Variants in MDGA2 observed in about 807,000 individuals in gnomAD.
MDGA2 encodes the protein MAM domain-containing glycosylphosphatidylinositol anchor protein 2.
A neutral mutation model predicts 117.8 loss-of-function variants in MDGA2; 40 were observed. The ratio of observed to expected loss-of-function variants is 0.34; its 90% CI spans 0.26 to 0.44. MDGA2 has a LOEUF of 0.44. MDGA2 is among the 20% of genes least tolerant of loss of function. The pLI, the probability that MDGA2 is intolerant of heterozygous loss-of-function variation, is 1.00. For synonymous variants in MDGA2, 452 were observed against 439.0 expected (o/e 1.03, Z -0.37); for missense variants, 1,123 against 1,250.6 (o/e 0.90, Z 1.54).
rs1198575912 is a variant in MDGA2, at chr14:47,523,904, C to T, written c.280+150613G>A. On this transcript the variant is annotated intron_variant, in intron 1 of 16. Transcript: ENST00000399232. Reference sequence around the variant, plus strand: ...AAAGGTGTATCAAATGGGAACACAGCGTCACAGTTGAAACATTTATTTTCC... The same window carrying T: ...AAAGGTGTATCAAATGGGAACACAGTGTCACAGTTGAAACATTTATTTTCC... Among the ~76,000 whole-genome samples, 6 of 152,166 alleles carry T rather than the reference C, an allele frequency of 3.9e-5. No individual in the cohort carries two copies. The South Asian group carries it at 8.3e-4, about 21-fold the overall frequency.
chr14:47,630,197 A>G (rs1381119674), intron 1 of MDGA2, among the ~76,000 whole-genome samples: 3 of 152,214 alleles, frequency 2.0e-5, no homozygotes, highest in Non-Finnish European at 4.4e-5. Flanking sequence ...TTATAAAATG[A>G]ACACATAGAC....
At chr14:47,560,844 T>C (rs938701892) in intron 1 of MDGA2, among the ~76,000 whole-genome samples, 2 of 152,216 alleles carry the variant, frequency 1.3e-5, no homozygotes, top group Admixed American at 6.5e-5. Flanking sequence ...TTTAAGTTGT[T>C]AGTACATCTT....
chr14:47,106,027 G>A (rs1409085108), intron 5 of MDGA2, among the ~76,000 whole-genome samples: 1 of 151,870 alleles, frequency 6.6e-6, no homozygotes, highest in Non-Finnish European at 1.5e-5. Context: ...AAGGTGGCTG[G>A]AGCTAAAGGA....
Position 47,523,488 on chromosome 14 carries a change from T to G in MDGA2, c.280+151029A>C, listed in dbSNP as rs540392045. Among the ~76,000 whole-genome samples the G allele has an allele frequency of 5.3e-5, 8 of 152,272 alleles. No homozygotes were observed. In the South Asian group the frequency reaches 1.7e-3, roughly 32 times the overall value. On this transcript the variant is annotated intron_variant, in intron 1 of 16. Coordinates refer to ENST00000399232, the MANE Select transcript of MDGA2 (RefSeq NM_001113498.3). ...CAAAATCTATCTGAAGTGGAAAAAG[T>G]GATGACAAAGAGACTGGAATTCAGA...
At chr14:47,579,910 G>A (rs1187287390) in intron 1 of MDGA2, among the ~76,000 whole-genome samples, 1 of 151,964 alleles carries the variant, frequency 6.6e-6, no homozygotes, top group Non-Finnish European at 1.5e-5. Context: ...CCCATTATTA[G>A]TATTATTACA....
chr14:46,904,566 G>A (rs775771740), intron 10 of MDGA2, among the ~76,000 whole-genome samples: 36 of 152,182 alleles, frequency 2.4e-4, no homozygotes, highest in African/African-American at 5.3e-4. Flanking sequence ...CAATCCAGCC[G>A]TGAGCAACCT....
intron 8 of MDGA2, among the ~76,000 whole-genome samples, chr14:47,000,992 C>T (rs183569330): frequency 8.5e-5 from 13 of 152,062 alleles, no homozygotes; most frequent in African/African-American, 3.1e-4. Flanking sequence ...AATACTACAT[C>T]ATCAGCCCAA....
At chr14:47,454,002 C>T (rs925473325) in intron 1 of MDGA2, among the ~76,000 whole-genome samples, 1 of 151,972 alleles carries the variant, frequency 6.6e-6, no homozygotes, top group African/African-American at 2.4e-5. Context: ...GATGATGTAG[C>T]AGATGTTAAA....
At chr14:47,674,246 G>C (rs1401640411) in intron 1 of MDGA2, among the ~76,000 whole-genome samples, 1 of 152,164 alleles carries the variant, frequency 6.6e-6, no homozygotes, top group Non-Finnish European at 1.5e-5. Flanking sequence ...TCCCCGCGGG[G>C]ATAAATCAAG....
intron 1 of MDGA2, among the ~76,000 whole-genome samples, chr14:47,385,329 C>T (rs1891732413): frequency 1.3e-5 from 2 of 151,772 alleles, no homozygotes; most frequent in South Asian, 4.2e-4. Flanking sequence ...CATTCATTCC[C>T]TTAGGTACAG....
intron 1 of MDGA2, among the ~76,000 whole-genome samples, chr14:47,333,952 A>G (rs955617729): frequency 6.6e-6 from 1 of 151,858 alleles, no homozygotes. Flanking sequence ...TATTGTAAAT[A>G]TGGTTCAGAT....
At chr14:47,119,110 G>T (rs868285194) in intron 5 of MDGA2, among the ~76,000 whole-genome samples, 2 of 145,188 alleles carry the variant, frequency 1.4e-5, no homozygotes, top group Non-Finnish European at 3.0e-5. Context: ...GAGTGCAGTG[G>T]CGCAGTTTCG....
chr14:47,563,121 TA>T (rs1204938352), intron 1 of MDGA2, among the ~76,000 whole-genome samples: 2 of 151,720 alleles, frequency 1.3e-5, no homozygotes, highest in South Asian at 2.1e-4. Flanking sequence ...TTCATTTTTT[TA>T]AAAAAAAATT....
chr14:46,921,726 C>T (rs1397739460), intron 9 of MDGA2, among the ~76,000 whole-genome samples: 3 of 151,738 alleles, frequency 2.0e-5, no homozygotes, highest in Admixed American at 2.0e-4. Flanking sequence ...GTATTTGAAA[C>T]AAAATTTTTC....
chr14:47,462,468 T>G (rs914917320), intron 1 of MDGA2, among the ~76,000 whole-genome samples: 42 of 151,932 alleles, frequency 2.8e-4, no homozygotes, highest in African/African-American at 8.9e-4. Context: ...TAACTAGGAA[T>G]GATGGAAACA....
chr14:46,877,579 A>G (rs1882283775), intron 11 of MDGA2, 70 bp from the exon 12 acceptor site: 1 of 1,132,348 alleles, frequency 8.8e-7, no homozygotes, highest in Non-Finnish European at 1.3e-6. Context: ...TCTTTTATAA[A>G]TAAAAGTCTA....
chr14:47,296,335 A>G (rs1392382202), intron 2 of MDGA2, among the ~76,000 whole-genome samples: 1 of 152,356 alleles, frequency 6.6e-6, no homozygotes, highest in Middle Eastern at 3.4e-3. Context: ...ACTTGAGAAC[A>G]AAAGTATCTT....
chr14:47,033,802 G>A (rs552325655), intron 8 of MDGA2, among the ~76,000 whole-genome samples: 20 of 152,240 alleles, frequency 1.3e-4, no homozygotes, highest in Admixed American at 3.9e-4. Flanking sequence ...GAGGGGCAGG[G>A]AATGGTTAAG....
At chr14:46,987,849 C>T (rs771587954) in intron 8 of MDGA2, among the ~76,000 whole-genome samples, 7 of 147,132 alleles carry the variant, frequency 4.8e-5, no homozygotes, top group Non-Finnish European at 7.4e-5. Flanking sequence ...GGACATCTTC[C>T]TTACTAATAA....
Sources: gnomAD v4.1 joint callset for allele counts (sites outside exome capture counted in the v4.1 genomes callset) on GRCh38, gnomAD v4.1.1 for gene constraint, MANE v1.5 for transcripts, NCBI Gene and HGNC (gene_info 2026-07-23, HGNC 2026-07-21) for gene names.